EMILIN3: variants seen among roughly 807,000 people sequenced by gnomAD.
EMILIN3 encodes the protein elastin microfibril interfacer 3.
EMILIN3 carries 38 observed loss-of-function variants against 42.8 expected under a neutral mutation model. That is an observed-to-expected ratio of 0.89 (90% CI 0.69 to 1.16). The LOEUF (loss-of-function observed/expected upper bound fraction) is 1.16. Among genes scored for constraint, EMILIN3 ranks in the 50% most tolerant of loss-of-function variants. The probability of loss-of-function intolerance (pLI) is 0.00; values close to 1 mark genes in which losing one functional copy is unlikely to be tolerated. For missense variants in EMILIN3, 924 were observed against 999.5 expected (o/e 0.92, Z 1.02); for synonymous variants, 430 against 440.5 (o/e 0.98, Z 0.30).
rs771325853 is a variant in EMILIN3, at chr20:41,361,753, T to G, written c.1816A>C (p.Ser606Arg). ...GCCAAGAAGGCATCAGAGTACTGGC[T>G]GACAGAGTCACTGAGGCCTGTGAGC... ...KSLTGLSDSVSQYSDAFLAAN... is the reference protein window; with the variant it reads ...KSLTGLSDSVRQYSDAFLAAN... The change falls in exon 4 of 4, where the codon AGC becomes CGC. Residue 606 changes from serine to arginine, a missense_variant. Physicochemically the swap from Ser to Arg is moderately radical, Grantham distance 110 (BLOSUM62 -1). Coordinates refer to ENST00000332312, the MANE Select transcript of EMILIN3 (RefSeq NM_052846.2). The G allele has an allele frequency of 6.2e-7, 1 of 1,613,656 alleles. No individual in the cohort carries two copies. The highest frequency in any genetic ancestry group is 1.7e-5 in the Admixed American group (1 of 60,032).
At position 41,366,076 on chromosome 20, in the gene EMILIN3, GGA is replaced by G. The variant is rs1317222377; in HGVS notation, c.167+390_167+391del. ...CTATCTCCTACCTGGCCGGGCCAGGGGAGAGAAGGGAGGCCCGGGGCGGGGGA... is the reference window on the plus strand; with the variant it reads ...CTATCTCCTACCTGGCCGGGCCAGGGGAGAAGGGAGGCCCGGGGCGGGGGA... On this transcript the variant is annotated intron_variant, in intron 1 of 3. Coordinates refer to ENST00000332312, the MANE Select transcript of EMILIN3 (RefSeq NM_052846.2). The surrounding 1 kb of genome is among the most constrained non-coding windows in gnomAD (Gnocchi z 4.2). Among the ~76,000 whole-genome samples, 1 of 152,160 alleles carries G rather than the reference GGA, an allele frequency of 6.6e-6. No homozygotes were observed. The highest frequency in any genetic ancestry group is 2.4e-5 in the African/African-American group (1 of 41,452).
chr20:41,361,067 G>C lies in EMILIN3; in HGVS notation c.*201C>G. The C allele has an allele frequency of 1.9e-6, 1 of 534,378 alleles. No individual in the cohort carries two copies. Among genetic ancestry groups the C allele is most frequent in the Non-Finnish European group, 3.3e-6 (1 of 306,306 alleles). 33.1% of individuals were successfully genotyped at this position (534,378 alleles called of 1,614,324 possible). On this transcript the variant is annotated 3_prime_UTR_variant, in exon 4 of 4. Transcript: ENST00000332312. ...GCATGACATCCTTGCCTTGACCGCT[G>C]TCCGGAACTGTCCAGTTTCTGCAGC... is the stretch of plus-strand genomic sequence containing the variant.
chr20:41,362,816 G>A lies in EMILIN3; in HGVS notation c.753C>T (p.Ile251=). ...RGPLTPPLDE[I]LSKVTEVSNT... is the part of the protein sequence containing the mutation. ...TGCTCACCTCTGTCACCTTGCTTAG[G>A]ATCTCGTCTAAGGGAGGTGTTAGTG... Residue 251 remains isoleucine, a synonymous_variant, in exon 4 of 4, where the codon ATC becomes ATT. Transcript: ENST00000332312. 1.9e-6 allele frequency: 3 copies of A among 1,614,202 alleles called. No homozygotes were observed. The highest frequency in any genetic ancestry group is 1.7e-6 in the Non-Finnish European group (2 of 1,180,040).
chr20:41,366,459 C>A lies in EMILIN3; in HGVS notation c.167+9G>T. 8.9e-7 allele frequency: 1 copy of A among 1,125,160 alleles called. No homozygotes were observed. Among genetic ancestry groups the A allele is most frequent in the South Asian group, 4.2e-5 (1 of 23,848 alleles). 69.7% of individuals were successfully genotyped at this position (1,125,160 alleles called of 1,614,324 possible). On this transcript the variant is annotated intron_variant, in intron 1 of 3. Transcript: ENST00000332312. This position sits in a 1 kb window ranked among gnomAD's most constrained non-coding sequence, Gnocchi z 4.2. ...TCCCTCTTCCCGCCCGCCGCCCGCC[C>A]GCGCTTACTTGTGCGGCCCCGGGCG...
Position 41,363,509 on chromosome 20 carries a change from T to C in EMILIN3, c.514+129A>G, listed in dbSNP as rs190889805. ...CCTCAGCTTTATGGTGGGGTGAAAG[T>C]GGGGCTTGGGGCTTGCCCCTCCCCA... On this transcript the variant is annotated intron_variant, in intron 3 of 3. Transcript: ENST00000332312. 1.1e-4 allele frequency: 95 copies of C among 882,736 alleles called. No homozygotes were observed. The African/African-American group carries it at 1.3e-3, about 12-fold the overall frequency. 54.7% of individuals were successfully genotyped at this position (882,736 alleles called of 1,614,324 possible).
In EMILIN3 at chr20:41,363,785, CG is replaced by C; in HGVS notation, c.366del (p.Gly123AlafsTer91). On this transcript the variant is annotated frameshift_variant, in exon 3 of 4. Transcript: ENST00000332312. LOFTEE classifies it high-confidence loss of function. ...TCAGGGCAGCGTTTCCCAGTGAAGC[CG>C]GGACAGCAACGCCAGGCGAGGTCTG... ...TVTDLAWRCC[P>X]GFTGKRCPEH... 1 of 1,614,140 alleles carries C rather than the reference CG, an allele frequency of 6.2e-7. No individual in the cohort carries two copies. The highest frequency in any genetic ancestry group is 8.5e-7 in the Non-Finnish European group (1 of 1,180,020).
At chr20:41,364,094 C>T (rs2046382113) in intron 2 of EMILIN3, among the ~76,000 whole-genome samples, 1 of 152,182 alleles carries the variant, frequency 6.6e-6, no homozygotes, top group Non-Finnish European at 1.5e-5. Flanking sequence ...AAGTCCCACC[C>T]ATCCTGGTAG....
In EMILIN3 at chr20:41,362,714, C is replaced by G; in HGVS notation, c.855G>C (p.Arg285=). 1 of 1,613,932 alleles carries G rather than the reference C, an allele frequency of 6.2e-7. No individual in the cohort carries two copies. The highest frequency in any genetic ancestry group is 8.5e-7 in the Non-Finnish European group (1 of 1,180,014). The change falls in exon 4 of 4, where the codon CGG becomes CGC. Residue 285 remains arginine (R), a synonymous_variant. Transcript: ENST00000332312. ...GCGGGGATGGTGGGGCTTCCCGCAG[C>G]CGCTGCAGGTGGGCCTCATGGCCAA... ...LALGHEAHLQ[R]LREAPPSPLT...
rs749311187 is a variant in EMILIN3, at chr20:41,363,024, C to T, written c.545G>A (p.Arg182Gln). Reference protein sequence around the residue: ...GRKGPGLFGERLERLEGDVQR... With the variant: ...GRKGPGLFGEQLERLEGDVQR... ...GACATCACCCTCCAGGCGTTCCAGCCGCTCACCAAACAGCCCTGGGCCTTT... is the reference window on the plus strand; with the variant it reads ...GACATCACCCTCCAGGCGTTCCAGCTGCTCACCAAACAGCCCTGGGCCTTT... The change falls in exon 4 of 4, where the codon CGG becomes CAG. Residue 182 changes from arginine (R) to glutamine (Q), a missense_variant. Physicochemically the swap from Arg to Gln is conservative, Grantham distance 43. Coordinates refer to ENST00000332312, the MANE Select transcript of EMILIN3 (RefSeq NM_052846.2). 138 of 1,598,846 alleles carry T rather than the reference C, an allele frequency of 8.6e-5. No individual in the cohort carries two copies. Among genetic ancestry groups the T allele is most frequent in the Admixed American group, 7.6e-4 (45 of 59,590 alleles).
chr20:41,363,173 C>G (rs2046375899), intron 3 of EMILIN3, 119 bp from the exon 4 acceptor site: 2 of 966,986 alleles, frequency 2.1e-6, no homozygotes, highest in Non-Finnish European at 3.0e-6. Context: ...CAGAGTCTTG[C>G]TCAGTCGCCC....
In EMILIN3 at chr20:41,366,256, C is replaced by T. The variant is rs901637758; in HGVS notation, c.167+212G>A. On this transcript the variant is annotated intron_variant, in intron 1 of 3. Coordinates refer to ENST00000332312, the MANE Select transcript of EMILIN3 (RefSeq NM_052846.2). This position sits in a 1 kb window ranked among gnomAD's most constrained non-coding sequence, Gnocchi z 4.2. The stretch of plus-strand genomic sequence containing the variant: ...GGATCCCAAGCCGCCGCGCCAGGCC[C>T]CCTCGGTTCCTTTTTCCTCGCCAGC... Among the ~76,000 whole-genome samples, 1 of 151,986 alleles carries T rather than the reference C, an allele frequency of 6.6e-6. No individual in the cohort carries two copies.
In EMILIN3 at chr20:41,366,474, G is replaced by A; in HGVS notation, c.161C>T (p.Pro54Leu). The A allele has an allele frequency of 8.8e-7, 1 of 1,137,860 alleles. No homozygotes were observed. Among genetic ancestry groups the A allele is most frequent in the Non-Finnish European group, 1.1e-6 (1 of 928,408 alleles). 70.5% of individuals were successfully genotyped at this position (1,137,860 alleles called of 1,614,324 possible). Residue 54 changes from proline to leucine, a missense_variant, in exon 1 of 4, where the codon CCG (proline) becomes CTG (leucine). Transcript: ENST00000332312. This position sits in a 1 kb window ranked among gnomAD's most constrained non-coding sequence, Gnocchi z 4.2. Reference protein sequence around the residue: ...TGWRPRLRPGPHKALCAYVVH... With the variant: ...TGWRPRLRPGLHKALCAYVVH... ...GCCGCCCGCCCGCGCTTACTTGTGCGGCCCCGGGCGCAGCCGCGGGCGCCA... is the reference window on the plus strand; with the variant it reads ...GCCGCCCGCCCGCGCTTACTTGTGCAGCCCCGGGCGCAGCCGCGGGCGCCA...
In EMILIN3 at chr20:41,363,822, G is replaced by A. The variant is rs1360723472; in HGVS notation, c.330C>T (p.Tyr110=). Residue 110 remains tyrosine, a synonymous_variant, in exon 3 of 4, where the codon TAC becomes TAT. Coordinates refer to ENST00000332312, the MANE Select transcript of EMILIN3 (RefSeq NM_052846.2). Reference sequence around the variant, plus strand: ...GCCAGGCGAGGTCTGTCACTGTCTTGTAGCCAACCTTGTATTTGGGTCTGA... The same window carrying A: ...GCCAGGCGAGGTCTGTCACTGTCTTATAGCCAACCTTGTATTTGGGTCTGA... ...TVLRPKYKVG[Y]KTVTDLAWRC... is the part of the protein sequence containing the mutation. The A allele has an allele frequency of 6.2e-7, 1 of 1,614,012 alleles. No homozygotes were observed. Among genetic ancestry groups the A allele is most frequent in the African/African-American group, 1.3e-5 (1 of 74,916 alleles).
Position 41,362,427 on chromosome 20 carries a change from C to A in EMILIN3, c.1142G>T (p.Arg381Met), listed in dbSNP as rs749382553. 6.2e-7 allele frequency: 1 copy of A among 1,601,004 alleles called. No homozygotes were observed. Among genetic ancestry groups the A allele is most frequent in the South Asian group, 1.1e-5 (1 of 91,080 alleles). Residue 381 changes from arginine (R) to methionine (M), a missense_variant, in exon 4 of 4, where the codon AGG becomes ATG. Transcript: ENST00000332312. ...SQLQGLSVSG[R>M]GSCCGQLALI... ...GGCTAGTTGCCCACAGCAGCTGCCC[C>A]TGCCAGACACGCTCAGGCCCTGCAG...
rs112768123 is a variant in EMILIN3, at chr20:41,366,124, G to C, written c.167+344C>G. ...GGGGAGCCCCGCGTGCTCAGCGCGC[G>C]GACCGCCTTTCCTCCTCTCCCTCCA... On this transcript the variant is annotated intron_variant, in intron 1 of 3. Coordinates refer to ENST00000332312, the MANE Select transcript of EMILIN3 (RefSeq NM_052846.2). The surrounding 1 kb of genome is among the most constrained non-coding windows in gnomAD (Gnocchi z 4.2). Among the ~76,000 whole-genome samples the C allele has an allele frequency of 0.14, 21,359 of 152,242 alleles. 1,815 individuals are homozygous for C. Among genetic ancestry groups the C allele is most frequent in the Non-Finnish European group, 0.18 (12,316 of 67,986 alleles).
At position 41,362,499 on chromosome 20, in the gene EMILIN3, C is replaced by T. The variant is rs746341434; in HGVS notation, c.1070G>A (p.Gly357Asp). ...CTCCTGGCGCAGGGCCAGCTCCCGG[C>T]CATCAAGGCTCTGGTGCAGCCTCCG... is the stretch of plus-strand genomic sequence containing the variant. ...ASRRLHQSLD[G>D]RELALRQELS... is the part of the protein sequence containing the mutation. Residue 357 changes from glycine to aspartate, a missense_variant, in exon 4 of 4, where the codon GGC becomes GAC. Physicochemically the swap from Gly to Asp is moderately conservative, Grantham distance 94. Coordinates refer to ENST00000332312, the MANE Select transcript of EMILIN3 (RefSeq NM_052846.2). The T allele has an allele frequency of 3.8e-6, 6 of 1,599,374 alleles. No homozygotes were observed. In the African/African-American group the frequency reaches 5.3e-5, roughly 14 times the overall value.
Position 41,361,734 on chromosome 20 carries a change from A to G in EMILIN3, c.1835T>C (p.Phe612Ser), listed in dbSNP as rs1370095359. Residue 612 changes from phenylalanine to serine, a missense_variant, in exon 4 of 4, where the codon TTC (phenylalanine) becomes TCC (serine). Transcript: ENST00000332312. ...ATCCAGGGACGTGTTGGCAGCCAAG[A>G]AGGCATCAGAGTACTGGCTGACAGA... ...SDSVSQYSDA[F>S]LAANTSLDER... The G allele has an allele frequency of 6.2e-7, 1 of 1,613,274 alleles. No homozygotes were observed. The highest frequency in any genetic ancestry group is 2.2e-5 in the East Asian group (1 of 44,872).
rs1411339779 is a variant in EMILIN3, at chr20:41,361,679, G to T, written c.1890C>A (p.Val630=). 6.2e-7 allele frequency: 1 copy of T among 1,607,224 alleles called. No homozygotes were observed. ...DERERKVEAE[V]QAIQEQVSSQ... ...TGCTGACCTGCTCCTGGATGGCCTG[G>T]ACTTCGGCTTCCACCTTGCGTTCCC... is the stretch of plus-strand genomic sequence containing the variant. Residue 630 remains valine (V), a synonymous_variant, in exon 4 of 4, where the codon GTC becomes GTA. Coordinates refer to ENST00000332312, the MANE Select transcript of EMILIN3 (RefSeq NM_052846.2).
rs1333317838 is a variant in EMILIN3, at chr20:41,366,455, C to T, written c.167+13G>A. On this transcript the variant is annotated intron_variant, in intron 1 of 3. Coordinates refer to ENST00000332312, the MANE Select transcript of EMILIN3 (RefSeq NM_052846.2). This position sits in a 1 kb window ranked among gnomAD's most constrained non-coding sequence, Gnocchi z 4.2. ...TCCCTCCCTCTTCCCGCCCGCCGCC[C>T]GCCCGCGCTTACTTGTGCGGCCCCG... 1.7e-5 allele frequency: 19 copies of T among 1,122,628 alleles called. No homozygotes were observed. The highest frequency in any genetic ancestry group is 2.0e-5 in the Non-Finnish European group (18 of 918,568). The allele number at this position is 1,122,628 out of a possible 1,614,324, so 69.5% of individuals were successfully genotyped here.
Sources: gnomAD v4.1 joint callset for allele counts (sites outside exome capture counted in the v4.1 genomes callset) on GRCh38, gnomAD v4.1.1 for gene constraint, Gnocchi (gnomAD v3.1) non-coding constraint, MANE v1.5 for transcripts, NCBI Gene and HGNC (gene_info 2026-07-23, HGNC 2026-07-21) for gene names.